Variants in GPM6A observed in about 807,000 individuals in gnomAD.
GPM6A encodes the protein glycoprotein M6A, also known as neuronal membrane glycoprotein M6-a.
Under a neutral mutation model 32.1 loss-of-function variants are expected in GPM6A, and 7 were observed. The observed-to-expected ratio is 0.22, with a 90% CI of 0.12 to 0.41. The LOEUF (loss-of-function observed/expected upper bound fraction) is 0.41, where lower values mean the gene tolerates loss of function less well. Ranked by LOEUF, GPM6A falls within the 10% of genes least tolerant of loss-of-function variation. The pLI is 1.00. For synonymous variants in GPM6A, 130 were observed against 123.4 expected, an observed-to-expected ratio of 1.05 and a Z score of -0.35; for missense variants, 235 against 347.2, an observed-to-expected ratio of 0.68 and a Z score of 2.57.
chr4:175,943,423 A>G (rs747422365), intron 1 of GPM6A, among the ~76,000 whole-genome samples: 14 of 152,184 alleles, frequency 9.2e-5, no homozygotes, highest in Non-Finnish European at 1.0e-4. Context: ...ATTCTTGAAT[A>G]GGAGTGGTGT....
At chr4:175,747,700 G>T (rs1732163785) in intron 1 of GPM6A, among the ~76,000 whole-genome samples, 1 of 152,324 alleles carries the variant, frequency 6.6e-6, no homozygotes, top group Non-Finnish European at 1.5e-5. Context: ...GGAGGGGCTT[G>T]CTTAGACGTT....
At chr4:175,999,560 T>A (rs187445642) in intron 1 of GPM6A, among the ~76,000 whole-genome samples, 29 of 152,132 alleles carry the variant, frequency 1.9e-4, no homozygotes, top group South Asian at 4.2e-4. Context: ...TTGTGCATTA[T>A]GGATATGAAG....
At chr4:175,754,319 A>C (rs1387977039) in intron 1 of GPM6A, among the ~76,000 whole-genome samples, 2 of 152,116 alleles carry the variant, frequency 1.3e-5, no homozygotes, top group African/African-American at 4.8e-5. Context: ...TCCTTGGTTT[A>C]AGGGAGAGGG....
At chr4:175,690,133 T>C (rs925469186) in intron 2 of GPM6A, among the ~76,000 whole-genome samples, 17 of 152,228 alleles carry the variant, frequency 1.1e-4, no homozygotes, top group African/African-American at 4.1e-4. Flanking sequence ...TGATGTTTTA[T>C]GGGGGACAAG....
In GPM6A at chr4:175,652,246, C is replaced by T. The variant is rs545233116; in HGVS notation, c.388-259G>A. ...AAAATAATCCATCTGCATTATCATG[C>T]CTCTTCATCCATGTATTTAACTTTC... On this transcript the variant is annotated intron_variant, in intron 3 of 6. Coordinates refer to ENST00000393658, the MANE Select transcript of GPM6A (RefSeq NM_201591.3). Among the ~76,000 whole-genome samples the T allele has an allele frequency of 1.9e-3, 294 of 152,230 alleles. 3 individuals carry two copies. The highest frequency in any genetic ancestry group is 6.5e-3 in the African/African-American group (268 of 41,530).
intron 2 of GPM6A, among the ~76,000 whole-genome samples, chr4:175,685,814 C>A (rs1189286665): frequency 1.3e-5 from 2 of 152,132 alleles, no homozygotes; most frequent in Non-Finnish European, 2.9e-5. Context: ...TACACCCCCC[C>A]ACACACATAT....
chr4:175,830,624 G>C (rs1459033197), intron 1 of GPM6A, among the ~76,000 whole-genome samples: 2 of 152,136 alleles, frequency 1.3e-5, no homozygotes, highest in Non-Finnish European at 2.9e-5. Flanking sequence ...ATAAATGGCA[G>C]AGTTGAGATT....
At chr4:175,809,423 G>A (rs941744898) in intron 1 of GPM6A, among the ~76,000 whole-genome samples, 1 of 149,634 alleles carries the variant, frequency 6.7e-6, no homozygotes, top group Non-Finnish European at 1.5e-5. Context: ...TGTTTTGGCT[G>A]CACACAAGAT....
intron 1 of GPM6A, among the ~76,000 whole-genome samples, chr4:175,922,737 G>A (rs1738708729): frequency 6.6e-6 from 1 of 151,972 alleles, no homozygotes; most frequent in Admixed American, 6.6e-5. Flanking sequence ...GTTTATTTGG[G>A]GCTTACAGTA....
At chr4:175,664,032 A>G (rs1225841698) in intron 3 of GPM6A, among the ~76,000 whole-genome samples, 1 of 152,144 alleles carries the variant, frequency 6.6e-6, no homozygotes, top group Non-Finnish European at 1.5e-5. Flanking sequence ...TGTGCCATAA[A>G]GCCATGAAAT....
chr4:175,782,533 AT>A (rs926332241), intron 1 of GPM6A, among the ~76,000 whole-genome samples: 5 of 152,078 alleles, frequency 3.3e-5, no homozygotes, highest in African/African-American at 4.8e-5. Context: ...TTTGTTCATC[AT>A]TGTTTTCTTG....
chr4:175,805,347 A>G (rs1734651848), intron 1 of GPM6A, among the ~76,000 whole-genome samples: 1 of 152,234 alleles, frequency 6.6e-6, no homozygotes, highest in Non-Finnish European at 1.5e-5. Flanking sequence ...AATTGCAACC[A>G]TAAAAATGTA....
intron 3 of GPM6A, among the ~76,000 whole-genome samples, chr4:175,670,684 C>G (rs1743006409): frequency 6.6e-6 from 1 of 151,864 alleles, no homozygotes; most frequent in African/African-American, 2.4e-5. Context: ...TTTTACGTGC[C>G]TCAAATTCTG....
chr4:175,886,395 C>A (rs149047308), intron 1 of GPM6A, among the ~76,000 whole-genome samples: 6 of 152,190 alleles, frequency 3.9e-5, no homozygotes, highest in African/African-American at 1.2e-4. Context: ...AAGCTAGAAC[C>A]TTAAAGCAGG....
At chr4:175,711,877 G>A (rs368627304) in intron 1 of GPM6A, among the ~76,000 whole-genome samples, 3 of 152,090 alleles carry the variant, frequency 2.0e-5, no homozygotes, top group African/African-American at 7.2e-5. Context: ...CCTTATATGT[G>A]TCTGCAAGCC....
intron 1 of GPM6A, among the ~76,000 whole-genome samples, chr4:175,834,628 T>C (rs1056303567): frequency 5.9e-5 from 9 of 152,112 alleles, no homozygotes; most frequent in African/African-American, 2.2e-4. Flanking sequence ...TGTGCACTTT[T>C]CCCTTACCAA....
At chr4:175,681,142 A>G (rs1452096362) in intron 2 of GPM6A, among the ~76,000 whole-genome samples, 1 of 152,220 alleles carries the variant, frequency 6.6e-6, no homozygotes, top group Non-Finnish European at 1.5e-5. Flanking sequence ...GTTGGAAATT[A>G]AAGACATATG....
intron 1 of GPM6A, among the ~76,000 whole-genome samples, chr4:175,721,727 T>C (rs1746145074): frequency 6.6e-6 from 1 of 152,204 alleles, no homozygotes; most frequent in Non-Finnish European, 1.5e-5. Flanking sequence ...ACACTTCATG[T>C]GGCTTCAATA....
chr4:175,937,247 T>C (rs1413681675), intron 1 of GPM6A, among the ~76,000 whole-genome samples: 2 of 152,168 alleles, frequency 1.3e-5, no homozygotes, highest in African/African-American at 2.4e-5. Context: ...GGGCAAACTT[T>C]TCATTGTAGC....
Sources: allele counts gnomAD v4.1 joint callset (sites outside exome capture counted in the v4.1 genomes callset), GRCh38; gene constraint gnomAD v4.1.1; transcripts MANE v1.5; gene names NCBI Gene and HGNC (gene_info 2026-07-23, HGNC 2026-07-21).